Variants in DAP observed in about 807,000 individuals in gnomAD.
The protein encoded by DAP is death-associated protein 1.
DAP carries 8 observed loss-of-function variants against 13.8 expected under a neutral mutation model. The ratio of observed to expected loss-of-function variants is 0.58; its 90% CI spans 0.34 to 1.05. DAP has a LOEUF of 1.05. DAP is among the 50% of genes least tolerant of loss of function. The pLI, the probability that DAP is intolerant of heterozygous loss-of-function variation, is 0.03. For missense variants in DAP, 106 were observed against 133.2 expected (o/e 0.80, Z 1.01); for synonymous variants, 47 against 47.5 (o/e 0.99, Z 0.04).
chr5:10,682,784 C>T (rs935305502), intron 3 of DAP, among the ~76,000 whole-genome samples: 15 of 152,364 alleles, frequency 9.8e-5, no homozygotes, highest in African/African-American at 2.6e-4. Flanking sequence ...CAGGAACATG[C>T]GACTCCCACA....
chr5:10,742,989 C>G (rs1435151942), intron 2 of DAP, among the ~76,000 whole-genome samples: 2 of 151,972 alleles, frequency 1.3e-5, no homozygotes, highest in Non-Finnish European at 1.5e-5. Context: ...ACAGATACTT[C>G]TAGTTCCCAT....
At chr5:10,742,470 T>C (rs546531546) in intron 2 of DAP, among the ~76,000 whole-genome samples, 17 of 152,282 alleles carry the variant, frequency 1.1e-4, no homozygotes, top group Admixed American at 2.6e-4. Flanking sequence ...GAGGTTGCAG[T>C]GAGCTGAGAT....
intron 2 of DAP, among the ~76,000 whole-genome samples, chr5:10,731,707 G>A (rs532294790): frequency 1.3e-4 from 20 of 152,170 alleles, no homozygotes; most frequent in Admixed American, 1.3e-3. Flanking sequence ...GGATAGGCAG[G>A]TCACCTGATT....
At chr5:10,728,439 A>T (rs1739347285) in intron 2 of DAP, among the ~76,000 whole-genome samples, 1 of 152,228 alleles carries the variant, frequency 6.6e-6, no homozygotes, top group African/African-American at 2.4e-5. Flanking sequence ...AAAAGACAAA[A>T]AAGAAGACCT....
Position 10,680,976 on chromosome 5 carries a change from G to C in DAP, c.*80C>G. On this transcript the variant is annotated 3_prime_UTR_variant, in exon 4 of 4. Transcript: ENST00000230895. ...TTTCCCAGCAGAGTAGGATTTGGGC[G>C]AAACTGCTGGTTCTCTCTGTCAGGG... The C allele has an allele frequency of 1.3e-6, 2 of 1,546,518 alleles. No homozygotes were observed. The highest frequency in any genetic ancestry group is 1.7e-6 in the Non-Finnish European group (2 of 1,147,194).
At chr5:10,717,275 G>A (rs1739014130) in intron 2 of DAP, among the ~76,000 whole-genome samples, 1 of 152,180 alleles carries the variant, frequency 6.6e-6, no homozygotes, top group Non-Finnish European at 1.5e-5. Context: ...TAGAGAAAGA[G>A]CTGAAATTGT....
At chr5:10,741,179 G>A (rs1739743957) in intron 2 of DAP, among the ~76,000 whole-genome samples, 1 of 123,562 alleles carries the variant, frequency 8.1e-6, no homozygotes, top group Non-Finnish European at 1.9e-5. Flanking sequence ...GGTGAGACCT[G>A]GTCTCTACAA....
At chr5:10,752,939 A>C (rs1482320655) in intron 1 of DAP, among the ~76,000 whole-genome samples, 1 of 152,206 alleles carries the variant, frequency 6.6e-6, no homozygotes, top group African/African-American at 2.4e-5. Context: ...AGGCCTCTGG[A>C]GTCCTCAAAT....
chr5:10,706,453 T>A (rs1262968990), intron 2 of DAP, among the ~76,000 whole-genome samples: 1 of 152,240 alleles, frequency 6.6e-6, no homozygotes, highest in Non-Finnish European at 1.5e-5. Context: ...CTCACAAGTG[T>A]GACACCGAAG....
In DAP at chr5:10,756,084, G is replaced by A. The variant is rs532958310; in HGVS notation, c.55+4930C>T. ...GATCTCTTGAGCCCAGGAGGCCAAG[G>A]TTGCAGTGAGCCAAGATCACGCCAC... On this transcript the variant is annotated intron_variant, in intron 1 of 3. Coordinates refer to ENST00000230895, the MANE Select transcript of DAP (RefSeq NM_004394.3). Among the ~76,000 whole-genome samples, 248 of 91,590 alleles carry A rather than the reference G, an allele frequency of 2.7e-3. 40 individuals carry two copies. The highest frequency in any genetic ancestry group is 4.7e-3 in the Non-Finnish European group (205 of 43,646). 60.1% of individuals were successfully genotyped at this position (91,590 alleles called of 152,430 possible).
rs1281215921 is a variant in DAP at position 10,679,999 on chromosome 5, C to G, written c.*1057G>C. 6.6e-6 allele frequency: 1 copy of G among 152,550 alleles called. No individual in the cohort carries two copies. Among genetic ancestry groups the G allele is most frequent in the Non-Finnish European group, 1.5e-5 (1 of 68,182 alleles). The allele number at this position is 152,550 out of a possible 1,614,324, so 9.4% of individuals were successfully genotyped here. On this transcript the variant is annotated 3_prime_UTR_variant, in exon 4 of 4. Coordinates refer to ENST00000230895, the MANE Select transcript of DAP (RefSeq NM_004394.3). ...CCAGCCAGTGAGCAGACTAGGACAT[C>G]TCTAGACAGGAAACTCATCTAAAAA... is the stretch of plus-strand genomic sequence containing the variant.
chr5:10,721,047 T>G (rs891513573), intron 2 of DAP, among the ~76,000 whole-genome samples: 1 of 152,252 alleles, frequency 6.6e-6, no homozygotes. Flanking sequence ...TCCATCATCC[T>G]GAAGCAGCTG....
intron 2 of DAP, among the ~76,000 whole-genome samples, chr5:10,721,093 C>T (rs2126658648): frequency 6.6e-6 from 1 of 152,284 alleles, no homozygotes; most frequent in African/African-American, 2.4e-5. Context: ...TTTGAAGTCA[C>T]AATTACAACA....
intron 2 of DAP, among the ~76,000 whole-genome samples, chr5:10,714,392 G>T (rs1380911179): frequency 6.6e-6 from 1 of 152,126 alleles, no homozygotes; most frequent in Non-Finnish European, 1.5e-5. Flanking sequence ...AATTACCGTT[G>T]ACATTCATCA....
At chr5:10,682,642 G>A (rs1339355340) in intron 3 of DAP, among the ~76,000 whole-genome samples, 1 of 152,264 alleles carries the variant, frequency 6.6e-6, no homozygotes, top group Non-Finnish European at 1.5e-5. Context: ...GATAAAGGAA[G>A]GTGGAAGTCT....
intron 2 of DAP, chr5:10,734,381 C>G (rs897346120): frequency 6.6e-6 from 1 of 152,248 alleles, no homozygotes; most frequent in Admixed American, 6.5e-5. Flanking sequence ...AAGCCTATTA[C>G]CAGAAGCCAC....
intron 2 of DAP, among the ~76,000 whole-genome samples, chr5:10,720,713 T>G (rs532391361): frequency 6.6e-6 from 1 of 152,212 alleles, no homozygotes; most frequent in African/African-American, 2.4e-5. Flanking sequence ...AGACCAACAC[T>G]GAGCCCTCAA....
intron 2 of DAP, among the ~76,000 whole-genome samples, chr5:10,730,711 AG>A (rs1255997860): frequency 1.0e-4 from 3 of 29,416 alleles, no homozygotes; most frequent in South Asian, 1.3e-3. Context: ...AGCCCTAGTG[AG>A]GGGGAATCTT....
In DAP at chr5:10,724,970, C is replaced by G. The variant is rs567486746; in HGVS notation, c.152+23205G>C. Reference sequence around the variant, plus strand: ...GTGCTGACTTGAGCTTCTTCCTCCCCCCTCTCCCCTTCAGGCTCCCCTCTG... The same window carrying G: ...GTGCTGACTTGAGCTTCTTCCTCCCGCCTCTCCCCTTCAGGCTCCCCTCTG... On this transcript the variant is annotated intron_variant, in intron 2 of 3. Transcript: ENST00000230895. Among the ~76,000 whole-genome samples, 4 of 152,292 alleles carry G rather than the reference C, an allele frequency of 2.6e-5. No homozygotes were observed. In the East Asian group the frequency reaches 5.8e-4, roughly 22 times the overall value.
Sources: allele counts gnomAD v4.1 joint callset (sites outside exome capture counted in the v4.1 genomes callset), GRCh38; gene constraint gnomAD v4.1.1; transcripts MANE v1.5; gene names NCBI Gene and HGNC (gene_info 2026-07-23, HGNC 2026-07-21).